Variants in MAPT observed in about 807,000 individuals in gnomAD.
MAPT encodes the protein microtubule-associated protein tau.
MAPT carries 34 observed loss-of-function variants against 67.9 expected under a neutral mutation model. The observed-to-expected ratio is 0.50, with a 90% CI of 0.38 to 0.67. The LOEUF (loss-of-function observed/expected upper bound fraction) is 0.67, where lower values mean the gene tolerates loss of function less well. Among genes scored for constraint, MAPT ranks in the 30% least tolerant of loss-of-function variants. The pLI is 0.00. For synonymous variants in MAPT, 456 were observed against 464.5 expected, an observed-to-expected ratio of 0.98 and a Z score of 0.23; for missense variants, 881 against 1,115.2, an observed-to-expected ratio of 0.79 and a Z score of 2.99.
chr17:45,904,205 A>AATATATTAT lies in MAPT; in HGVS notation c.-18+9542_-18+9550dup, dbSNP rs1338479523. ...AATATATTGTATATATTATATATCT[A>AATATATTAT]ATATATTATATATATTATATATATT... is the stretch of plus-strand genomic sequence containing the variant. On this transcript the variant is annotated intron_variant, in intron 1 of 12. Coordinates refer to ENST00000262410, the MANE Select transcript of MAPT (RefSeq NM_001377265.1). Among the ~76,000 whole-genome samples, 27 of 39,586 alleles carry AATATATTAT rather than the reference A, an allele frequency of 6.8e-4. 1 individual carries two copies. Among genetic ancestry groups the AATATATTAT allele is most frequent in the African/African-American group, 2.4e-3 (25 of 10,634 alleles). The allele number at this position is 39,586 out of a possible 152,430, so 26.0% of individuals were successfully genotyped here.
At chr17:45,939,289 A>C (rs543940421) in intron 1 of MAPT, among the ~76,000 whole-genome samples, 1 of 152,170 alleles carries the variant, frequency 6.6e-6, no homozygotes, top group Admixed American at 6.6e-5. Flanking sequence ...AATACTTTAC[A>C]ACAAGATCTG....
intron 1 of MAPT, among the ~76,000 whole-genome samples, chr17:45,946,839 A>C (rs1424610700): frequency 6.6e-6 from 1 of 151,966 alleles, no homozygotes; most frequent in African/African-American, 2.4e-5. Context: ...ACAATCTGGG[A>C]ATTTTCTCAT....
chr17:45,996,318 C>T lies in MAPT; in HGVS notation c.1733-81C>T. Reference sequence around the variant, plus strand: ...ACCCAGTGGTGAGCCTGGGAATGGACCCACGGGACAGGCAGCCCCCAGGGC... The same window carrying T: ...ACCCAGTGGTGAGCCTGGGAATGGATCCACGGGACAGGCAGCCCCCAGGGC... On this transcript the variant is annotated intron_variant, in intron 8 of 12. Transcript: ENST00000262410. This position sits in a 1 kb window ranked among gnomAD's most constrained non-coding sequence, Gnocchi z 4.5. The T allele has an allele frequency of 6.6e-7, 1 of 1,510,332 alleles. No homozygotes were observed. Among genetic ancestry groups the T allele is most frequent in the Non-Finnish European group, 9.1e-7 (1 of 1,098,672 alleles). 93.6% of individuals were successfully genotyped at this position (1,510,332 alleles called of 1,614,324 possible). A position where few individuals can be genotyped will look rare whatever the true frequency, so the allele number is the denominator to read the frequency against.
intron 1 of MAPT, among the ~76,000 whole-genome samples, chr17:45,949,574 G>A (rs1354945875): frequency 2.6e-5 from 4 of 152,178 alleles, no homozygotes; most frequent in Non-Finnish European, 5.9e-5. Flanking sequence ...GTTTCTGAAC[G>A]TCTCTGAGCT....
At chr17:45,914,974 C>A (rs1208392980) in intron 1 of MAPT, among the ~76,000 whole-genome samples, 3 of 152,228 alleles carry the variant, frequency 2.0e-5, no homozygotes, top group African/African-American at 7.2e-5. Context: ...GCCTCAGCCT[C>A]CCAAAGGGCT....
intron 3 of MAPT, 115 bp from the exon 4 acceptor site, chr17:45,978,260 A>G: frequency 1.2e-6 from 1 of 832,698 alleles, no homozygotes; most frequent in Non-Finnish European, 2.1e-6. Context: ...TATTCTTGGG[A>G]TGTGACTTTC....
At chr17:45,938,831 T>TTTTTG in intron 1 of MAPT, among the ~76,000 whole-genome samples, 1 of 147,952 alleles carries the variant, frequency 6.8e-6, no homozygotes, top group Non-Finnish European at 1.5e-5. Context: ...TTTTTTTTTT[T>TTTTTG]GAGACAGAGT....
intron 2 of MAPT, among the ~76,000 whole-genome samples, chr17:45,969,587 C>T (rs931813084): frequency 7.4e-6 from 1 of 135,044 alleles, no homozygotes; most frequent in African/African-American, 2.6e-5. Context: ...CCATCCCTTC[C>T]TTCATCCTTC....
Position 45,971,506 on chromosome 17 carries a change from G to A in MAPT, c.134-353G>A, listed in dbSNP as rs1223144517. ...ATTAATAGCAATGACAAAGCAGAAGGTTCATGCGTAGCTCGGCTTTCTGGT... is the reference window on the plus strand; with the variant it reads ...ATTAATAGCAATGACAAAGCAGAAGATTCATGCGTAGCTCGGCTTTCTGGT... On this transcript the variant is annotated intron_variant, in intron 2 of 12. Transcript: ENST00000262410. This position sits in a 1 kb window ranked among gnomAD's most constrained non-coding sequence, Gnocchi z 4.3. Among the ~76,000 whole-genome samples, 2 of 152,212 alleles carry A rather than the reference G, an allele frequency of 1.3e-5. No individual in the cohort carries two copies. The highest frequency in any genetic ancestry group is 3.8e-4 in the East Asian group (2 of 5,198).
chr17:46,027,852 TCC>T lies in MAPT; in HGVS notation c.*3683_*3684del, dbSNP rs2076881024. 3 of 152,270 alleles carry T rather than the reference TCC, an allele frequency of 2.0e-5. No individual in the cohort carries two copies. The highest frequency in any genetic ancestry group is 4.4e-5 in the Non-Finnish European group (3 of 68,136). The allele number at this position is 152,270 out of a possible 1,614,324, so 9.4% of individuals were successfully genotyped here. On this transcript the variant is annotated 3_prime_UTR_variant, in exon 13 of 13. Transcript: ENST00000262410. The stretch of plus-strand genomic sequence containing the variant: ...TGCCTCCCTAAGACCTTGGCATCCT[TCC>T]CTCTAAGCCGTTGGCACCTCTGTGC...
At chr17:45,922,386 C>T (rs2065824757) in intron 1 of MAPT, among the ~76,000 whole-genome samples, 1 of 151,860 alleles carries the variant, frequency 6.6e-6, no homozygotes, top group East Asian at 1.9e-4. Flanking sequence ...CAAATTATAC[C>T]TTAAAGTTTG....
At chr17:46,001,290 A>G (rs986378090) in intron 9 of MAPT, among the ~76,000 whole-genome samples, 6 of 151,170 alleles carry the variant, frequency 4.0e-5, no homozygotes, top group Non-Finnish European at 7.4e-5. Flanking sequence ...GAAGGATTTC[A>G]TAGTTTTAAA....
At chr17:45,984,101 C>T (rs1003107972) in intron 5 of MAPT, among the ~76,000 whole-genome samples, 171 bp downstream of exon 5, 14 of 152,192 alleles carry the variant, frequency 9.2e-5, no homozygotes, top group Admixed American at 4.6e-4. Flanking sequence ...GGCCTCCTCC[C>T]GTGCTCAGGC....
chr17:46,016,962 G>A (rs1028942248), intron 11 of MAPT, among the ~76,000 whole-genome samples: 3 of 152,172 alleles, frequency 2.0e-5, no homozygotes, highest in South Asian at 2.1e-4. Context: ...ACCCCACCCC[G>A]AGAGTCCAGA....
chr17:45,989,044 G>T (rs368010467), intron 6 of MAPT, among the ~76,000 whole-genome samples: 9 of 151,820 alleles, frequency 5.9e-5, no homozygotes, highest in Non-Finnish European at 1.2e-4. Context: ...TTCCAACTTG[G>T]GGGGGGCACA....
chr17:45,981,136 C>T (rs2072909280), intron 4 of MAPT, among the ~76,000 whole-genome samples: 2 of 152,278 alleles, frequency 1.3e-5, no homozygotes, highest in Non-Finnish European at 2.9e-5. Context: ...GGGTCGGGCC[C>T]ACAGGTTACC....
intron 1 of MAPT, among the ~76,000 whole-genome samples, chr17:45,939,536 C>T (rs2144859659): frequency 6.6e-6 from 1 of 152,242 alleles, no homozygotes; most frequent in East Asian, 1.9e-4. Flanking sequence ...CTTATAAATC[C>T]ATATTTCATG....
rs1372688627 is a variant in MAPT, at chr17:46,018,732, T to TA, written c.2286+5dup. The TA allele has an allele frequency of 6.2e-7, 1 of 1,605,700 alleles. No homozygotes were observed. ...GTCCCTGGCGGAGGAAATAAAAAGG[T>TA]AAAGGGGGTAGGGTGGGTTGGATGC... On this transcript the variant is annotated splice_region_variant and intron_variant, in intron 12 of 12. Coordinates refer to ENST00000262410, the MANE Select transcript of MAPT (RefSeq NM_001377265.1).
At chr17:46,022,852 C>T (rs1011932385) in intron 12 of MAPT, among the ~76,000 whole-genome samples, 2 of 152,122 alleles carry the variant, frequency 1.3e-5, no homozygotes, top group Non-Finnish European at 2.9e-5. Flanking sequence ...ATTGCTTGAG[C>T]CCAGGAATTT....
Sources: allele counts gnomAD v4.1 joint callset (sites outside exome capture counted in the v4.1 genomes callset), GRCh38; gene constraint gnomAD v4.1.1; non-coding constraint Gnocchi (gnomAD v3.1); transcripts MANE v1.5; gene names NCBI Gene and HGNC (gene_info 2026-07-23, HGNC 2026-07-21).